The following DSCAM variants were observed in gnomAD, a reference collection of about 807,000 sequenced individuals.
DSCAM encodes the protein DS cell adhesion molecule.
DSCAM carries 47 observed loss-of-function variants against 217.7 expected under a neutral mutation model. That is an observed-to-expected ratio of 0.22 (90% CI 0.17 to 0.28). The LOEUF is 0.28. Among genes scored for constraint, DSCAM ranks in the 10% least tolerant of loss-of-function variants. The pLI is 1.00. For synonymous variants in DSCAM, 1,056 were observed against 1,015.3 expected (o/e 1.04, Z -0.76); for missense variants, 2,080 against 2,618.3 (o/e 0.79, Z 4.49).
rs148837570 is a variant in DSCAM, at chr21:40,525,295, G to A, written c.509-156050C>T. ...AACAAAAACTAAACTTGAAAATGATGCCATTCCTCCAGTTTTTGGAGAATG... is the reference window on the plus strand; with the variant it reads ...AACAAAAACTAAACTTGAAAATGATACCATTCCTCCAGTTTTTGGAGAATG... On this transcript the variant is annotated intron_variant, in intron 3 of 32. Coordinates refer to ENST00000400454, the MANE Select transcript of DSCAM (RefSeq NM_001389.5). Among the ~76,000 whole-genome samples, 666 of 152,252 alleles carry A rather than the reference G, an allele frequency of 4.4e-3. 2 individuals carry two copies. Among genetic ancestry groups the A allele is most frequent in the Non-Finnish European group, 7.4e-3 (502 of 68,020 alleles).
At chr21:40,696,623 T>G (rs1179441419) in intron 2 of DSCAM, among the ~76,000 whole-genome samples, 1 of 152,182 alleles carries the variant, frequency 6.6e-6, no homozygotes, top group East Asian at 1.9e-4. Context: ...CGCGCAGATC[T>G]TGGGGGATCT....
At chr21:40,770,499 GTTT>G (rs2091435042) in intron 1 of DSCAM, among the ~76,000 whole-genome samples, 1 of 152,124 alleles carries the variant, frequency 6.6e-6, no homozygotes, top group African/African-American at 2.4e-5. Flanking sequence ...AGTTATTCGA[GTTT>G]TTTCCATGGA....
intron 3 of DSCAM, among the ~76,000 whole-genome samples, chr21:40,509,511 C>A (rs1441967729): frequency 6.6e-6 from 1 of 152,180 alleles, no homozygotes; most frequent in Non-Finnish European, 1.5e-5. Context: ...GAGCCTGGGG[C>A]CTGAGCCTGG....
chr21:40,248,247 T>A (rs1407815142), intron 11 of DSCAM, among the ~76,000 whole-genome samples: 1 of 152,216 alleles, frequency 6.6e-6, no homozygotes, highest in East Asian at 1.9e-4. Flanking sequence ...AACATTTGGC[T>A]CCTTGTTACT....
intron 11 of DSCAM, among the ~76,000 whole-genome samples, chr21:40,228,508 G>A (rs1190276817): frequency 2.0e-5 from 3 of 151,956 alleles, no homozygotes; most frequent in South Asian, 2.1e-4. Context: ...ATCCAATACC[G>A]CCTTATTTGT....
At chr21:40,517,650 G>A (rs543500224) in intron 3 of DSCAM, among the ~76,000 whole-genome samples, 1 of 152,204 alleles carries the variant, frequency 6.6e-6, no homozygotes, top group Admixed American at 6.5e-5. Flanking sequence ...ACAAAACCAT[G>A]AAAACAGGAC....
intron 3 of DSCAM, among the ~76,000 whole-genome samples, chr21:40,421,692 T>G (rs1479860710): frequency 6.6e-6 from 1 of 152,216 alleles, no homozygotes; most frequent in Non-Finnish European, 1.5e-5. Flanking sequence ...AACAGTATTA[T>G]CAATCACCAT....
chr21:40,669,330 G>T (rs1385213023), intron 3 of DSCAM, among the ~76,000 whole-genome samples: 3 of 152,034 alleles, frequency 2.0e-5, no homozygotes, highest in Non-Finnish European at 4.4e-5. Context: ...GGAGAACTGT[G>T]GACTGGTCTC....
intron 10 of DSCAM, 62 bp downstream of exon 10, chr21:40,295,993 T>C: frequency 3.2e-6 from 5 of 1,557,120 alleles, no homozygotes; most frequent in Non-Finnish European, 4.3e-6. Flanking sequence ...GAAATGCTTA[T>C]CTAATCCTTT....
chr21:40,406,891 T>C (rs2075283983), intron 3 of DSCAM, among the ~76,000 whole-genome samples: 1 of 152,094 alleles, frequency 6.6e-6, no homozygotes, highest in Admixed American at 6.6e-5. Context: ...AATTCTGGGA[T>C]TACATATGTG....
At chr21:40,788,787 C>T (rs1304752835) in intron 1 of DSCAM, among the ~76,000 whole-genome samples, 1 of 152,290 alleles carries the variant, frequency 6.6e-6, no homozygotes, top group Non-Finnish European at 1.5e-5. Flanking sequence ...CGATTTAAAA[C>T]TAAAGCCACA....
At chr21:40,358,245 T>TTAAGATAGTGCTATGTAATTC (rs1242442222) in intron 4 of DSCAM, among the ~76,000 whole-genome samples, 3 of 152,198 alleles carry the variant, frequency 2.0e-5, no homozygotes, top group African/African-American at 7.2e-5. Flanking sequence ...TCAAATATGC[T>TTAAGATAGTGCTATGTAATTC]TAAGATAGTG....
At chr21:40,126,338 GAAAGAAGA>G (rs950714621) in intron 19 of DSCAM, among the ~76,000 whole-genome samples, 22 of 151,922 alleles carry the variant, frequency 1.4e-4, no homozygotes, top group African/African-American at 4.6e-4. Flanking sequence ...AAAAAGAAAA[GAAAGAAGA>G]AAAGAAGGAA....
At chr21:40,028,679 A>C (rs1033589448) in intron 32 of DSCAM, among the ~76,000 whole-genome samples, 6 of 152,140 alleles carry the variant, frequency 3.9e-5, no homozygotes, top group South Asian at 2.1e-4. Context: ...GTGCTTCCCG[A>C]GTGAGGCAAT....
intron 3 of DSCAM, among the ~76,000 whole-genome samples, chr21:40,554,258 A>G (rs2076653692): frequency 6.6e-6 from 1 of 151,924 alleles, no homozygotes; most frequent in Admixed American, 6.6e-5. Flanking sequence ...ACATTTTAGA[A>G]CATAACTGCA....
chr21:40,791,063 A>T (rs2091638075), intron 1 of DSCAM, among the ~76,000 whole-genome samples: 1 of 152,000 alleles, frequency 6.6e-6, no homozygotes. Flanking sequence ...ACCTGCCTGT[A>T]ATCTCAGCTA....
chr21:40,718,938 G>A (rs1395950561), intron 1 of DSCAM, among the ~76,000 whole-genome samples: 1 of 150,308 alleles, frequency 6.7e-6, no homozygotes, highest in African/African-American at 2.5e-5. Flanking sequence ...TCAGCCTGGG[G>A]AACATAGCAA....
intron 3 of DSCAM, among the ~76,000 whole-genome samples, chr21:40,419,445 G>T (rs1259785353): frequency 1.3e-5 from 2 of 152,080 alleles, no homozygotes; most frequent in Admixed American, 6.6e-5. Flanking sequence ...AACTGTGCAG[G>T]CTGGTAAAAC....
At chr21:40,586,047 G>A (rs998694568) in intron 3 of DSCAM, among the ~76,000 whole-genome samples, 1 of 152,194 alleles carries the variant, frequency 6.6e-6, no homozygotes, top group African/African-American at 2.4e-5. Flanking sequence ...AGTAGAGACA[G>A]GGTTTCACCA....
Sources: allele counts gnomAD v4.1 joint callset (sites outside exome capture counted in the v4.1 genomes callset), GRCh38; gene constraint gnomAD v4.1.1; transcripts MANE v1.5; gene names NCBI Gene and HGNC (gene_info 2026-07-23, HGNC 2026-07-21).